The following C1orf198 variants were observed in gnomAD, a reference collection of about 807,000 sequenced individuals.
The protein encoded by C1orf198 is chromosome 1 open reading frame 198.
A neutral mutation model predicts 31.4 loss-of-function variants in C1orf198; 17 were observed. The ratio of observed to expected loss-of-function variants is 0.54; its 90% confidence interval spans 0.37 to 0.81. The LOEUF is 0.81. Ranked by LOEUF, C1orf198 falls within the 40% of genes least tolerant of loss-of-function variation. The pLI, the probability that C1orf198 is intolerant of heterozygous loss-of-function variation, is 0.00. For missense variants in C1orf198, 401 were observed against 450.3 expected, an observed-to-expected ratio of 0.89 and a Z score of 0.99; for synonymous variants, 175 against 193.8, an observed-to-expected ratio of 0.90 and a Z score of 0.81.
Position 230,842,327 on chromosome 1 carries a change from T to C in C1orf198, c.927+1027A>G, listed in dbSNP as rs148325695. ...CATAATAAAAACTTTTAAAATTCAGTATATGGAACCAGCCCAAATGCCCAC... is the reference window on the plus strand; with the variant it reads ...CATAATAAAAACTTTTAAAATTCAGCATATGGAACCAGCCCAAATGCCCAC... On this transcript the variant is annotated intron_variant, in intron 3 of 3. Coordinates refer to ENST00000366663, the MANE Select transcript of C1orf198 (RefSeq NM_032800.3). 2.3e-3 allele frequency among the ~76,000 whole-genome samples: 343 copies of C among 152,296 alleles called. 4 individuals carry two copies. Among genetic ancestry groups the C allele is most frequent in the African/African-American group, 8.0e-3 (333 of 41,564 alleles).
rs189039112 is a variant in C1orf198, at chr1:230,839,982, C to T, written c.928-74G>A. On this transcript the variant is annotated intron_variant, in intron 3 of 3. Transcript: ENST00000366663. ...GTTACGTATAATCTAAAAACAGCAT[C>T]TCATTTAAAACGACCCAGATAAAAG... The T allele has an allele frequency of 2.0e-5, 28 of 1,390,334 alleles. No individual in the cohort carries two copies. In the Admixed American group the frequency reaches 5.2e-4, roughly 26 times the overall value. 86.1% of individuals were successfully genotyped at this position (1,390,334 alleles called of 1,614,324 possible). A position where few individuals can be genotyped will look rare whatever the true frequency, so the allele number is the denominator to read the frequency against.
intron 1 of C1orf198, among the ~76,000 whole-genome samples, chr1:230,867,288 G>C (rs987677566): frequency 1.3e-5 from 2 of 152,166 alleles, no homozygotes; most frequent in Non-Finnish European, 1.5e-5. Flanking sequence ...ACATTTCTAA[G>C]AAAAAGAAGA....
rs1669332634 is a variant in C1orf198, at chr1:230,837,507, A to G, written c.*2345T>C. 6.6e-6 allele frequency: 1 copy of G among 152,250 alleles called. No homozygotes were observed. The highest frequency in any genetic ancestry group is 2.4e-5 in the African/African-American group (1 of 41,468). 9.4% of individuals were successfully genotyped at this position (152,250 alleles called of 1,614,324 possible). A position where few individuals can be genotyped will look rare whatever the true frequency, so the allele number is the denominator to read the frequency against. Reference sequence around the variant, plus strand: ...TTCTCCTGAAAAGTGTGTATTTTCTAAAAAATAAATATAAACTCCTGGTTT... The same window carrying G: ...TTCTCCTGAAAAGTGTGTATTTTCTGAAAAATAAATATAAACTCCTGGTTT... On this transcript the variant is annotated 3_prime_UTR_variant, in exon 4 of 4. Coordinates refer to ENST00000366663, the MANE Select transcript of C1orf198 (RefSeq NM_032800.3).
chr1:230,864,612 G>T (rs1331164831), intron 1 of C1orf198, among the ~76,000 whole-genome samples: 1 of 152,134 alleles, frequency 6.6e-6, no homozygotes, highest in African/African-American at 2.4e-5. Flanking sequence ...GTGAAACCCC[G>T]ATTAGGGATA....
rs1435264582 is a variant in C1orf198 at position 230,843,459 on chromosome 1, T to C, written c.822A>G (p.Ala274=). Residue 274 remains alanine (A), a synonymous_variant, in exon 3 of 4, where the codon GCA becomes GCG. Coordinates refer to ENST00000366663, the MANE Select transcript of C1orf198 (RefSeq NM_032800.3). This position sits in a 1 kb window ranked among gnomAD's most constrained non-coding sequence, Gnocchi z 4.9. ...GCTGGGAGGGGGCAGCCTCGTGCAG[T>C]GCACTGCTGAAGGCCTGGACAGGCT... is the stretch of plus-strand genomic sequence containing the variant. ...RPQPVQAFSS[A]LHEAAPSQLE... The C allele has an allele frequency of 2.5e-6, 4 of 1,608,544 alleles. No individual in the cohort carries two copies. Among genetic ancestry groups the C allele is most frequent in the South Asian group, 1.1e-5 (1 of 90,140 alleles).
intron 1 of C1orf198, among the ~76,000 whole-genome samples, chr1:230,866,600 C>T (rs1039140908): frequency 1.3e-5 from 2 of 152,096 alleles, no homozygotes; most frequent in Admixed American, 6.6e-5. Flanking sequence ...CATGAGTAGG[C>T]GTGTAGATAT....
chr1:230,848,281 C>T (rs548873831), intron 2 of C1orf198, among the ~76,000 whole-genome samples: 13 of 152,272 alleles, frequency 8.5e-5, no homozygotes, highest in Non-Finnish European at 1.8e-4. Flanking sequence ...GTCTTTTTCC[C>T]TATGTATGTG....
intron 1 of C1orf198, among the ~76,000 whole-genome samples, chr1:230,864,268 T>G (rs913349350): frequency 6.6e-6 from 1 of 151,266 alleles, no homozygotes; most frequent in South Asian, 2.1e-4. Flanking sequence ...CACAGGCCCC[T>G]AGGTTTGCAG....
At chr1:230,869,014 C>T (rs1348722178), upstream of C1orf198, 1 of 152,368 alleles carries the variant, frequency 6.6e-6, no homozygotes, top group Non-Finnish European at 1.5e-5. Flanking sequence ...GTTTTTACTC[C>T]TTTCCTTCTG....
chr1:230,839,337 C>A lies in C1orf198; in HGVS notation c.*515G>T, dbSNP rs114219219. ...TGGCTTCTGCCAGAGAAGCCCCGGACAGCTGCGAGCGCTGGCTGAGAACGT... is the reference window on the plus strand; with the variant it reads ...TGGCTTCTGCCAGAGAAGCCCCGGAAAGCTGCGAGCGCTGGCTGAGAACGT... On this transcript the variant is annotated 3_prime_UTR_variant, in exon 4 of 4. Coordinates refer to ENST00000366663, the MANE Select transcript of C1orf198 (RefSeq NM_032800.3). 0.019 allele frequency: 3,055 copies of A among 162,230 alleles called. 118 individuals carry two copies. Among genetic ancestry groups the A allele is most frequent in the African/African-American group, 0.07 (2,897 of 41,576 alleles). 10.0% of individuals were successfully genotyped at this position (162,230 alleles called of 1,614,324 possible). A position where few individuals can be genotyped will look rare whatever the true frequency, so the allele number is the denominator to read the frequency against.
chr1:230,859,501 T>A (rs893744148), intron 1 of C1orf198, among the ~76,000 whole-genome samples: 1 of 152,126 alleles, frequency 6.6e-6, no homozygotes, highest in Non-Finnish European at 1.5e-5. Context: ...CCATACCAAA[T>A]GGGCAGCACT....
intron 3 of C1orf198, among the ~76,000 whole-genome samples, chr1:230,842,660 G>A (rs191556151): frequency 1.2e-3 from 189 of 151,808 alleles, no homozygotes; most frequent in Non-Finnish European, 2.3e-3. Context: ...CGGGTGATGG[G>A]TGCACCAAAA....
intron 3 of C1orf198, among the ~76,000 whole-genome samples, chr1:230,842,753 T>TA (rs201400477): frequency 0.24 from 34,543 of 144,906 alleles, 5,132 homozygotes; most frequent in African/African-American, 0.43. Flanking sequence ...AAATAAAAAT[T>TA]AAAAAAAAAA....
At chr1:230,864,935 T>TA (rs1670083183) in intron 1 of C1orf198, among the ~76,000 whole-genome samples, 1 of 152,084 alleles carries the variant, frequency 6.6e-6, no homozygotes, top group Non-Finnish European at 1.5e-5. Context: ...CCCTCTAAAA[T>TA]AAAAACTTTT....
intron 1 of C1orf198, among the ~76,000 whole-genome samples, chr1:230,863,506 C>T (rs1670044772): frequency 6.6e-6 from 1 of 152,234 alleles, no homozygotes; most frequent in Non-Finnish European, 1.5e-5. Flanking sequence ...CCACACCTGT[C>T]GCCATGCTTC....
chr1:230,852,912 G>C (rs1198672105), intron 2 of C1orf198, among the ~76,000 whole-genome samples: 4 of 152,172 alleles, frequency 2.6e-5, no homozygotes, highest in Non-Finnish European at 5.9e-5. Flanking sequence ...GCAGAACAGA[G>C]CAGAAGTGAT....
chr1:230,868,320 G>T lies in C1orf198; in HGVS notation c.193C>A (p.Gln65Lys). The change falls in exon 1 of 4, where the codon CAG (glutamine) becomes AAG (lysine). Residue 65 changes from glutamine to lysine, a missense_variant. Coordinates refer to ENST00000366663, the MANE Select transcript of C1orf198 (RefSeq NM_032800.3). ...GPEWARLPPA[Q>K]QDEIIDRCLV... ...CACCGGTCGATGATCTCGTCCTGCT[G>T]CGCGGGCGGCAGCCGCGCCCACTCG... The T allele has an allele frequency of 6.3e-7, 1 of 1,596,296 alleles. No individual in the cohort carries two copies. Among genetic ancestry groups the T allele is most frequent in the Non-Finnish European group, 8.5e-7 (1 of 1,172,394 alleles).
chr1:230,852,522 G>A (rs1669772510), intron 2 of C1orf198, among the ~76,000 whole-genome samples: 2 of 152,046 alleles, frequency 1.3e-5, no homozygotes, highest in East Asian at 3.9e-4. Context: ...ACATCTTGTT[G>A]TACATCATAA....
intron 1 of C1orf198, among the ~76,000 whole-genome samples, chr1:230,863,782 A>T (rs977408480): frequency 2.6e-5 from 4 of 152,226 alleles, no homozygotes; most frequent in African/African-American, 9.6e-5. Context: ...AAGCAGGGCC[A>T]TCTCAACTCC....
Sources: gnomAD v4.1 joint callset for allele counts (sites outside exome capture counted in the v4.1 genomes callset) on GRCh38, gnomAD v4.1.1 for gene constraint, Gnocchi (gnomAD v3.1) non-coding constraint, MANE v1.5 for transcripts, NCBI Gene and HGNC (gene_info 2026-07-23, HGNC 2026-07-21) for gene names.